The following RANBP2 variants were observed in gnomAD, a reference collection of about 807,000 sequenced individuals.
RANBP2 encodes RAN binding protein 2, also known as E3 SUMO-protein ligase RanBP2.
In RANBP2, 57 loss-of-function variants were observed where a neutral mutation model predicts 303.6. The ratio of observed to expected loss-of-function variants is 0.19; its 90% confidence interval spans 0.15 to 0.23. The LOEUF (loss-of-function observed/expected upper bound fraction) is 0.23, where lower values mean the gene tolerates loss of function less well. Ranked by LOEUF, RANBP2 falls within the 10% of genes least tolerant of loss-of-function variation. The pLI, the probability that RANBP2 is intolerant of heterozygous loss-of-function variation, is 1.00. For synonymous variants in RANBP2, 1,167 were observed against 1,301.5 expected, an observed-to-expected ratio of 0.90 and a Z score of 2.23; for missense variants, 3,138 against 3,780.8, an observed-to-expected ratio of 0.83 and a Z score of 4.46.
the RANBP2 span, chr2:109,613,947 G>A: frequency 3.3e-6 from 4 of 1,210,808 alleles, no homozygotes; most frequent in African/African-American, 6.3e-5. Flanking sequence ...AGGCTAGGCT[G>A]CCTCCGCGAC....
the RANBP2 span, among the ~76,000 whole-genome samples, chr2:109,054,540 A>G: frequency 6.6e-6 from 1 of 151,892 alleles, no homozygotes; most frequent in South Asian, 2.1e-4. Flanking sequence ...TCCCTTCTAA[A>G]AATACAAATA....
At chr2:108,817,330 G>C in the RANBP2 span, among the ~76,000 whole-genome samples, 1 of 150,380 alleles carries the variant, frequency 6.6e-6, no homozygotes, top group Non-Finnish European at 1.5e-5. Context: ...GTTTTGCTCT[G>C]TTGCCAGGCT....
intron 25 of RANBP2, among the ~76,000 whole-genome samples, chr2:108,778,556 G>T (rs1233802139): frequency 6.6e-6 from 1 of 152,160 alleles, no homozygotes; most frequent in Non-Finnish European, 1.5e-5. Flanking sequence ...GTTATGACCT[G>T]TGAGACCCAG....
At chr2:109,141,652 C>T in the RANBP2 span, 1 of 154,818 alleles carries the variant, frequency 6.5e-6, no homozygotes, top group African/African-American at 2.4e-5. Context: ...GTGATGACGC[C>T]TGGGGATAAC....
At chr2:108,887,311 T>C in the RANBP2 span, among the ~76,000 whole-genome samples, 9 of 152,320 alleles carry the variant, frequency 5.9e-5, no homozygotes, top group African/African-American at 2.2e-4. Context: ...AAGTGAGTCA[T>C]TGTGATGCCT....
the RANBP2 span, among the ~76,000 whole-genome samples, chr2:109,019,006 C>T: frequency 2.0e-5 from 3 of 152,168 alleles, no homozygotes; most frequent in Admixed American, 6.5e-5. Context: ...GCATTTAGGA[C>T]GTGTGATTGT....
downstream of RANBP2, among the ~76,000 whole-genome samples, chr2:108,789,534 C>T (rs924598881): frequency 1.3e-5 from 2 of 152,146 alleles, no homozygotes; most frequent in African/African-American, 4.8e-5. Flanking sequence ...GTGGAGGTTG[C>T]AGTGAGCTAA....
the RANBP2 span, among the ~76,000 whole-genome samples, chr2:109,594,116 T>C: frequency 6.6e-6 from 1 of 152,138 alleles, no homozygotes; most frequent in Non-Finnish European, 1.5e-5. Context: ...GTAAACCAAA[T>C]GGATATTCAC....
At chr2:109,572,883 G>A in the RANBP2 span, among the ~76,000 whole-genome samples, 1 of 152,034 alleles carries the variant, frequency 6.6e-6, no homozygotes, top group Non-Finnish European at 1.5e-5. Flanking sequence ...CCAAAGTGCT[G>A]GGATTACAGG....
At chr2:109,137,792 A>G in the RANBP2 span, among the ~76,000 whole-genome samples, 2 of 152,228 alleles carry the variant, frequency 1.3e-5, no homozygotes, top group African/African-American at 4.8e-5. Flanking sequence ...CTAATCGGTT[A>G]ATCCTCCAAG....
At chr2:109,470,442 C>T in the RANBP2 span, among the ~76,000 whole-genome samples, 3 of 152,226 alleles carry the variant, frequency 2.0e-5, no homozygotes, top group African/African-American at 4.8e-5. Context: ...CCTTATTGCA[C>T]GTCTGGGGAG....
the RANBP2 span, among the ~76,000 whole-genome samples, chr2:109,108,231 G>C: frequency 6.6e-6 from 1 of 151,982 alleles, no homozygotes; most frequent in Non-Finnish European, 1.5e-5. Flanking sequence ...AGTAGAGACG[G>C]GGTTTCACCA....
the RANBP2 span, among the ~76,000 whole-genome samples, chr2:109,477,143 G>A: frequency 1.3e-5 from 2 of 152,124 alleles, no homozygotes; most frequent in African/African-American, 4.8e-5. Context: ...TGGTTCAAAC[G>A]CCTCTGACAA....
chr2:109,399,092 T>A, the RANBP2 span: 1 of 938,448 alleles, frequency 1.1e-6, no homozygotes, highest in Non-Finnish European at 1.6e-6. Flanking sequence ...CTTTGCTGCC[T>A]GGCACTGGGG....
the RANBP2 span, among the ~76,000 whole-genome samples, chr2:109,167,199 T>G: frequency 1.1e-4 from 16 of 152,248 alleles, 1 homozygote; most frequent in Admixed American, 9.8e-4. Flanking sequence ...GATAGCCATA[T>G]TTTTAAAAAG....
At chr2:109,211,415 C>A in the RANBP2 span, among the ~76,000 whole-genome samples, 1 of 152,142 alleles carries the variant, frequency 6.6e-6, no homozygotes, top group Non-Finnish European at 1.5e-5. Context: ...GCAGGGAAGC[C>A]CTGGCGAGGT....
chr2:109,017,037 G>C, the RANBP2 span, among the ~76,000 whole-genome samples: 2 of 152,216 alleles, frequency 1.3e-5, no homozygotes, highest in Non-Finnish European at 2.9e-5. Context: ...GCAAAGCATG[G>C]CACCAGGGAA....
chr2:109,615,308 C>G, the RANBP2 span: 33 of 1,606,176 alleles, frequency 2.1e-5, no homozygotes, highest in Non-Finnish European at 2.5e-5. Flanking sequence ...CGTGGATGCT[C>G]TCTGCCTCCG....
the RANBP2 span, among the ~76,000 whole-genome samples, chr2:109,253,678 A>G: frequency 6.6e-6 from 1 of 152,084 alleles, no homozygotes. Flanking sequence ...GGTCATTTGG[A>G]AAGGAATTTG....
Sources: gnomAD v4.1 joint callset for allele counts (sites outside exome capture counted in the v4.1 genomes callset) on GRCh38, gnomAD v4.1.1 for gene constraint, MANE v1.5 for transcripts, NCBI Gene and HGNC (gene_info 2026-07-23, HGNC 2026-07-21) for gene names.